Variants in ENOX1 observed in about 807,000 individuals in gnomAD.
ENOX1 encodes the protein candidate growth-related and time keeping constitutive hydroquinone (NADH) oxidase.
In ENOX1, 42 loss-of-function variants were observed where a neutral mutation model predicts 82.5. The observed-to-expected ratio is 0.51, with a 90% CI of 0.40 to 0.66. The LOEUF (loss-of-function observed/expected upper bound fraction) is 0.66, where lower values mean the gene tolerates loss of function less well. Ranked by LOEUF, ENOX1 falls within the 30% of genes least tolerant of loss-of-function variation. The pLI is 0.00. For synonymous variants in ENOX1, 271 were observed against 282.2 expected (o/e 0.96, Z 0.40); for missense variants, 608 against 811.6 (o/e 0.75, Z 3.05).
chr13:43,558,155 T>C (rs1194380827), intron 2 of ENOX1, among the ~76,000 whole-genome samples: 1 of 152,222 alleles, frequency 6.6e-6, no homozygotes. Context: ...CAGCATCTGC[T>C]GATTCTGGTA....
chr13:43,360,062 T>C lies in ENOX1; in HGVS notation c.383-5A>G, dbSNP rs2050400601. 5.0e-6 allele frequency: 8 copies of C among 1,613,524 alleles called. No homozygotes were observed. The highest frequency in any genetic ancestry group is 6.8e-6 in the Non-Finnish European group (8 of 1,179,458). ...TTGTGGAAGGAGGTGGAAGATCTAATAATCACAACAAAACAGAAAGTTTTA... is the reference window on the plus strand; with the variant it reads ...TTGTGGAAGGAGGTGGAAGATCTAACAATCACAACAAAACAGAAAGTTTTA... On this transcript the variant is annotated splice_polypyrimidine_tract_variant and splice_region_variant and intron_variant, in intron 6 of 16. Transcript: ENST00000690772.
chr13:43,500,226 G>A (rs113463490), intron 2 of ENOX1, among the ~76,000 whole-genome samples: 1,573 of 152,204 alleles, frequency 0.01, 29 homozygotes, highest in African/African-American at 0.036. Flanking sequence ...CCTGAAGACG[G>A]AAATGGACAT....
chr13:43,657,874 A>T (rs903664), intron 2 of ENOX1, among the ~76,000 whole-genome samples: 151,005 of 152,338 alleles, frequency 0.99, 74,857 homozygotes, highest in Middle Eastern at 1. Flanking sequence ...TAGGAAAAAA[A>T]TTAGTTGAAT....
intron 2 of ENOX1, among the ~76,000 whole-genome samples, chr13:43,561,610 G>A (rs2079672125): frequency 6.6e-6 from 1 of 152,094 alleles, no homozygotes; most frequent in Admixed American, 6.6e-5. Flanking sequence ...GTTAGAGTGT[G>A]ATGAAATCCA....
chr13:43,716,916 A>G (rs2088182144), intron 1 of ENOX1, among the ~76,000 whole-genome samples: 1 of 152,120 alleles, frequency 6.6e-6, no homozygotes, highest in African/African-American at 2.4e-5. Context: ...ACATATTAAG[A>G]CCATGCTCAT....
At chr13:43,690,168 G>A (rs1256646763) in intron 1 of ENOX1, among the ~76,000 whole-genome samples, 1 of 151,428 alleles carries the variant, frequency 6.6e-6, no homozygotes, top group Non-Finnish European at 1.5e-5. Flanking sequence ...AGAATGTAAG[G>A]TATTCAGGAC....
intron 11 of ENOX1, among the ~76,000 whole-genome samples, chr13:43,320,322 C>G (rs933487179): frequency 6.6e-6 from 1 of 152,206 alleles, no homozygotes; most frequent in Admixed American, 6.5e-5. Context: ...TCTCTTCCCT[C>G]AGAACTTGGC....
At chr13:43,594,286 T>C in intron 2 of ENOX1, among the ~76,000 whole-genome samples, 1 of 152,204 alleles carries the variant, frequency 6.6e-6, no homozygotes, top group South Asian at 2.1e-4. Context: ...TAAAAAACTG[T>C]TAGCTGGACT....
intron 3 of ENOX1, among the ~76,000 whole-genome samples, chr13:43,443,122 A>G (rs1027379524): frequency 2.0e-5 from 3 of 152,180 alleles, no homozygotes; most frequent in Non-Finnish European, 4.4e-5. Context: ...TTTTCTATAA[A>G]CAGCTCCCTT....
At chr13:43,227,106 T>C (rs777103411) in intron 15 of ENOX1, among the ~76,000 whole-genome samples, 8 of 152,160 alleles carry the variant, frequency 5.3e-5, no homozygotes, top group East Asian at 1.9e-4. Context: ...ATAGGATGAA[T>C]AGAACAAGTC....
chr13:43,504,955 T>C (rs1211598312), intron 2 of ENOX1, among the ~76,000 whole-genome samples: 2 of 151,822 alleles, frequency 1.3e-5, no homozygotes, highest in Non-Finnish European at 2.9e-5. Flanking sequence ...AATTTTACAT[T>C]ATTCTTACCT....
intron 2 of ENOX1, among the ~76,000 whole-genome samples, chr13:43,637,394 T>C (rs996528150): frequency 2.6e-5 from 4 of 152,114 alleles, no homozygotes; most frequent in African/African-American, 9.7e-5. Context: ...CGGGAAGCCA[T>C]GACTTAAGGA....
chr13:43,263,493 T>C (rs1005318293), intron 14 of ENOX1, among the ~76,000 whole-genome samples: 2 of 152,244 alleles, frequency 1.3e-5, no homozygotes, highest in African/African-American at 2.4e-5. Flanking sequence ...TCGAAGATTA[T>C]CTCACTTTAC....
chr13:43,286,586 T>C (rs940866715), intron 12 of ENOX1, among the ~76,000 whole-genome samples: 6 of 152,174 alleles, frequency 3.9e-5, no homozygotes, highest in African/African-American at 4.8e-5. Flanking sequence ...GGCTCCTACA[T>C]TGATTTGTCT....
intron 3 of ENOX1, among the ~76,000 whole-genome samples, chr13:43,470,033 G>A (rs372434994): frequency 6.0e-5 from 9 of 151,228 alleles, no homozygotes; most frequent in Admixed American, 2.0e-4. Flanking sequence ...GGAAAGGAAC[G>A]TCTTCAAGTA....
intron 5 of ENOX1, among the ~76,000 whole-genome samples, chr13:43,378,120 T>A (rs963613669): frequency 1.3e-5 from 2 of 152,222 alleles, no homozygotes; most frequent in African/African-American, 4.8e-5. Context: ...AGATAAAGTA[T>A]ATGAAACATG....
At chr13:43,262,923 T>G (rs2044161368) in intron 14 of ENOX1, among the ~76,000 whole-genome samples, 1 of 152,190 alleles carries the variant, frequency 6.6e-6, no homozygotes, top group Non-Finnish European at 1.5e-5. Flanking sequence ...ACATGGCTAC[T>G]CAGTGATCAA....
At position 43,702,926 on chromosome 13, in the gene ENOX1, C is replaced by A. The variant is rs552898879; in HGVS notation, c.-284-35382G>T. Among the ~76,000 whole-genome samples, 123 of 124,930 alleles carry A rather than the reference C, an allele frequency of 9.8e-4. 1 individual carries two copies. In the South Asian group the frequency reaches 0.019, roughly 19 times the overall value. The allele number at this position is 124,930 out of a possible 152,430, so 82.0% of individuals were successfully genotyped here. ...TGAGTTTGCACCATTGCACTCCAGCCTGGGCAACAAGAGTGAGACTCTGTC... is the reference window on the plus strand; with the variant it reads ...TGAGTTTGCACCATTGCACTCCAGCATGGGCAACAAGAGTGAGACTCTGTC... On this transcript the variant is annotated intron_variant, in intron 1 of 16. Transcript: ENST00000690772.
chr13:43,334,984 C>T (rs890601221), intron 9 of ENOX1, among the ~76,000 whole-genome samples: 23 of 152,178 alleles, frequency 1.5e-4, no homozygotes, highest in African/African-American at 5.3e-4. Flanking sequence ...TTAGCTCCAT[C>T]GCTAACTAGC....
Sources: gnomAD v4.1 joint callset for allele counts (sites outside exome capture counted in the v4.1 genomes callset) on GRCh38, gnomAD v4.1.1 for gene constraint, MANE v1.5 for transcripts, NCBI Gene and HGNC (gene_info 2026-07-23, HGNC 2026-07-21) for gene names.